The following GNAQ variants were observed in gnomAD, a reference collection of about 807,000 sequenced individuals.
GNAQ encodes the protein guanine nucleotide-binding protein G(q) subunit alpha.
GNAQ carries 8 observed loss-of-function variants against 43.9 expected under a neutral mutation model. The ratio of observed to expected loss-of-function variants is 0.18; its 90% confidence interval spans 0.11 to 0.33. GNAQ has a LOEUF of 0.33. Ranked by LOEUF, GNAQ falls within the 10% of genes least tolerant of loss-of-function variation. The probability of loss-of-function intolerance (pLI) is 1.00; values close to 1 mark genes in which losing one functional copy is unlikely to be tolerated. For missense variants in GNAQ, 158 were observed against 450.8 expected (o/e 0.35, Z 5.88); for synonymous variants, 155 against 170.7 (o/e 0.91, Z 0.71).
intron 1 of GNAQ, among the ~76,000 whole-genome samples, chr9:77,939,739 A>G (rs533882083): frequency 1.3e-5 from 2 of 152,378 alleles, no homozygotes; most frequent in Admixed American, 1.3e-4. Flanking sequence ...AACAAGAATT[A>G]GCAAGAATCA....
chr9:77,738,285 A>G (rs1339139205), intron 5 of GNAQ, among the ~76,000 whole-genome samples: 1 of 151,678 alleles, frequency 6.6e-6, no homozygotes, highest in Non-Finnish European at 1.5e-5. Context: ...TGAAGTTCTG[A>G]TACTACTTGA....
At chr9:77,856,989 C>A (rs1297712739) in intron 2 of GNAQ, among the ~76,000 whole-genome samples, 3 of 152,178 alleles carry the variant, frequency 2.0e-5, no homozygotes, top group Non-Finnish European at 4.4e-5. Flanking sequence ...CACTCTCTTC[C>A]AAATTCCCTC....
At chr9:77,746,341 G>C (rs1825729303) in intron 5 of GNAQ, among the ~76,000 whole-genome samples, 1 of 152,086 alleles carries the variant, frequency 6.6e-6, no homozygotes, top group Non-Finnish European at 1.5e-5. Flanking sequence ...TGAACTCCTG[G>C]GGCAGCAGTG....
intron 1 of GNAQ, among the ~76,000 whole-genome samples, chr9:77,937,438 AAAAT>A (rs542888271): frequency 6.6e-6 from 1 of 152,050 alleles, no homozygotes; most frequent in African/African-American, 2.4e-5. Context: ...ACTACATCTC[AAAAT>A]AAATAAATAA....
intron 1 of GNAQ, among the ~76,000 whole-genome samples, chr9:77,962,809 T>C (rs1823121672): frequency 1.3e-5 from 2 of 150,662 alleles, no homozygotes; most frequent in Non-Finnish European, 2.9e-5. Flanking sequence ...AGAGAATTGC[T>C]TGAACCCGGG....
At chr9:78,007,822 T>C (rs1272303255) in intron 1 of GNAQ, among the ~76,000 whole-genome samples, 2 of 152,172 alleles carry the variant, frequency 1.3e-5, no homozygotes, top group South Asian at 2.1e-4. Flanking sequence ...AAAACTCAGG[T>C]TGGCTTCCAA....
intron 2 of GNAQ, among the ~76,000 whole-genome samples, chr9:77,851,030 G>GA (rs1276266086): frequency 1.3e-5 from 2 of 151,498 alleles, no homozygotes; most frequent in South Asian, 2.1e-4. Context: ...ATGTTTACTG[G>GA]AAAAAAAAGA....
At chr9:77,771,885 C>G (rs1032938250) in intron 5 of GNAQ, among the ~76,000 whole-genome samples, 1 of 151,994 alleles carries the variant, frequency 6.6e-6, no homozygotes, top group African/African-American at 2.4e-5. Context: ...AGCAACCACC[C>G]ACCTGGACTC....
At chr9:77,835,651 T>C (rs1276442609) in intron 2 of GNAQ, among the ~76,000 whole-genome samples, 1 of 152,182 alleles carries the variant, frequency 6.6e-6, no homozygotes, top group Non-Finnish European at 1.5e-5. Flanking sequence ...ATGCATTTAA[T>C]CTATACAGCC....
At chr9:77,874,074 C>T (rs1354954239) in intron 2 of GNAQ, among the ~76,000 whole-genome samples, 1 of 147,014 alleles carries the variant, frequency 6.8e-6, no homozygotes, top group African/African-American at 2.5e-5. Flanking sequence ...CATTGCACTC[C>T]ACCTGGGCAA....
chr9:77,840,945 T>G (rs1207270931), intron 2 of GNAQ, among the ~76,000 whole-genome samples: 1 of 152,054 alleles, frequency 6.6e-6, no homozygotes, highest in African/African-American at 2.4e-5. Flanking sequence ...GATAGGCCAC[T>G]CCTGAGCACT....
At chr9:77,837,481 G>GA (rs1827409339) in intron 2 of GNAQ, among the ~76,000 whole-genome samples, 1 of 152,104 alleles carries the variant, frequency 6.6e-6, no homozygotes, top group Non-Finnish European at 1.5e-5. Context: ...CCGAATCCGG[G>GA]AGGTGGAGGT....
At chr9:77,798,305 C>T (rs149711236) in intron 3 of GNAQ, among the ~76,000 whole-genome samples, 1 of 152,114 alleles carries the variant, frequency 6.6e-6, no homozygotes, top group African/African-American at 2.4e-5. Flanking sequence ...ATACTTTTCC[C>T]TTCCCTTAAA....
At position 77,815,741 on chromosome 9, in the gene GNAQ, A is replaced by G; in HGVS notation, c.351T>C (p.Asp117=). ...TCTCAAAAGCAGACACCTTCTCCAC[A>G]TCAACTTCTCGAACTAATTGTGCAT... ...KAHAQLVREV[D]VEKVSAFENP... Residue 117 remains aspartate (D), a synonymous_variant, in exon 3 of 7, where the codon GAT becomes GAC. Transcript: ENST00000286548. The G allele has an allele frequency of 6.2e-7, 1 of 1,611,666 alleles. No individual in the cohort carries two copies. The highest frequency in any genetic ancestry group is 1.1e-5 in the South Asian group (1 of 90,952).
rs56978328 is a variant in GNAQ, at chr9:77,986,803, C to CTTT, written c.136+44294_136+44296dup. Among the ~76,000 whole-genome samples the CTTT allele has an allele frequency of 1.9e-3, 230 of 123,562 alleles. 1 individual carries two copies. The highest frequency in any genetic ancestry group is 6.4e-3 in the African/African-American group (207 of 32,452). The allele number at this position is 123,562 out of a possible 152,430, so 81.1% of individuals were successfully genotyped here. A position where few individuals can be genotyped will look rare whatever the true frequency, so the allele number is the denominator to read the frequency against. On this transcript the variant is annotated intron_variant, in intron 1 of 6. Transcript: ENST00000286548. ...CAAGAATGAGCCATGGCACCTGGCCCTTTTTTTTTTTTTTTTTTTTTTAAC... is the reference window on the plus strand; with the variant it reads ...CAAGAATGAGCCATGGCACCTGGCCCTTTTTTTTTTTTTTTTTTTTTTTTTAAC...
At chr9:77,783,279 T>A (rs1826424979) in intron 5 of GNAQ, among the ~76,000 whole-genome samples, 1 of 152,216 alleles carries the variant, frequency 6.6e-6, no homozygotes, top group Admixed American at 6.5e-5. Flanking sequence ...TGTTCAATCT[T>A]GCTGTGAACC....
At chr9:77,881,326 C>T (rs4287008) in intron 2 of GNAQ, among the ~76,000 whole-genome samples, 79,961 of 152,130 alleles carry the variant, frequency 0.53, 22,939 homozygotes, top group South Asian at 0.65. Flanking sequence ...CTGCCTGGCA[C>T]GTGGCCAGGG....
At chr9:77,830,825 T>A (rs547162657) in intron 2 of GNAQ, among the ~76,000 whole-genome samples, 1 of 113,872 alleles carries the variant, frequency 8.8e-6, no homozygotes, top group Non-Finnish European at 1.8e-5. Context: ...AAACCACTGT[T>A]AAGGTGTTAT....
chr9:77,979,256 T>G (rs1055237233), intron 1 of GNAQ, among the ~76,000 whole-genome samples: 1 of 151,276 alleles, frequency 6.6e-6, no homozygotes, highest in African/African-American at 2.4e-5. Flanking sequence ...CTCGGGACGC[T>G]GAGGCTGGAG....
Sources: allele counts gnomAD v4.1 joint callset (sites outside exome capture counted in the v4.1 genomes callset), GRCh38; gene constraint gnomAD v4.1.1; transcripts MANE v1.5; gene names NCBI Gene and HGNC (gene_info 2026-07-23, HGNC 2026-07-21).